MIER2: variants seen among roughly 807,000 people sequenced by gnomAD.
MIER2 encodes the protein mesoderm induction early response protein 2.
MIER2 carries 30 observed loss-of-function variants against 67.6 expected under a neutral mutation model. The observed-to-expected ratio is 0.44, with a 90% CI of 0.33 to 0.60. The LOEUF (loss-of-function observed/expected upper bound fraction) is 0.60. Among genes scored for constraint, MIER2 ranks in the 20% least tolerant of loss-of-function variants. The probability of loss-of-function intolerance (pLI) is 0.02; values close to 1 mark genes in which losing one functional copy is unlikely to be tolerated. For synonymous variants in MIER2, 372 were observed against 312.6 expected (o/e 1.19, Z -2.00); for missense variants, 702 against 745.1 (o/e 0.94, Z 0.67).
At chr19:320,659 C>G (rs556433788) in intron 7 of MIER2, among the ~76,000 whole-genome samples, 107 of 152,228 alleles carry the variant, frequency 7.0e-4, no homozygotes, top group African/African-American at 2.5e-3. Flanking sequence ...ACCAGGGAGG[C>G]AGGCAGCACA....
Position 327,128 on chromosome 19 carries a change from C to A in MIER2, c.493+5G>T, listed in dbSNP as rs1165782005. The A allele has an allele frequency of 6.3e-7, 1 of 1,580,140 alleles. No homozygotes were observed. On this transcript the variant is annotated splice_donor_5th_base_variant and intron_variant, in intron 5 of 13. Transcript: ENST00000264819. ...GCGGTGGAGTATGGGGACAGAGTCA[C>A]CTACATCCACTCCGGTTAGGGAAGA...
intron 1 of MIER2, chr19:344,181 C>A: frequency 1.0e-6 from 1 of 985,456 alleles, no homozygotes; most frequent in Non-Finnish European, 1.2e-6. Flanking sequence ...TCTCTAGGCC[C>A]CGGCAGACCC....
chr19:340,467 C>T (rs1452294491), intron 1 of MIER2: 2 of 152,202 alleles, frequency 1.3e-5, no homozygotes, highest in African/African-American at 4.8e-5. Flanking sequence ...AAGTAAACTA[C>T]AGAAAAAGTT....
chr19:342,720 GT>G (rs1206351171), intron 1 of MIER2, among the ~76,000 whole-genome samples: 1 of 151,554 alleles, frequency 6.6e-6, no homozygotes, highest in African/African-American at 2.4e-5. Flanking sequence ...GTGCTATAAA[GT>G]TACAAATTGC....
intron 10 of MIER2, among the ~76,000 whole-genome samples, chr19:309,298 C>A (rs1304621158): frequency 6.6e-6 from 1 of 152,144 alleles, no homozygotes; most frequent in Non-Finnish European, 1.5e-5. Flanking sequence ...TCCACCTCAT[C>A]TGCCTGCTTC....
At chr19:322,453 A>T (rs201160129) in intron 7 of MIER2, among the ~76,000 whole-genome samples, 1 of 152,198 alleles carries the variant, frequency 6.6e-6, no homozygotes, top group East Asian at 1.9e-4. Flanking sequence ...GCAGCAGTGC[A>T]CAAAGCCCAG....
intron 10 of MIER2, among the ~76,000 whole-genome samples, chr19:309,827 GA>G (rs1568215666): frequency 8.4e-5 from 9 of 107,322 alleles, no homozygotes; most frequent in African/African-American, 1.7e-4. Context: ...GACGAGAAGG[GA>G]CACACACACA....
intron 10 of MIER2, 58 bp downstream of exon 10, chr19:311,787 C>G (rs111820777): frequency 0.08 from 125,213 of 1,564,454 alleles, 6,002 homozygotes; most frequent in African/African-American, 0.19. Flanking sequence ...GCCTGCGGAC[C>G]CTGAGCCCCT....
Position 322,054 on chromosome 19 carries a change from G to A in MIER2, c.655+3581C>T, listed in dbSNP as rs139592058. ...CAAGTAGCTGGGACTACAGGTGCCC[G>A]CCACCACACCTGGCTCATTTTTGTA... is the stretch of plus-strand genomic sequence containing the variant. On this transcript the variant is annotated intron_variant, in intron 7 of 13. Transcript: ENST00000264819. Among the ~76,000 whole-genome samples, 2,841 of 152,028 alleles carry A rather than the reference G, an allele frequency of 0.019. 127 individuals are homozygous for A. In the East Asian group the frequency reaches 0.19, roughly 10 times the overall value.
At chr19:315,699 G>C (rs186352528) in intron 7 of MIER2, among the ~76,000 whole-genome samples, 104 of 152,328 alleles carry the variant, frequency 6.8e-4, no homozygotes, top group African/African-American at 2.4e-3. Flanking sequence ...CACCGTTTAG[G>C]GTAGTACAAG....
At chr19:322,367 T>C (rs150033974) in intron 7 of MIER2, among the ~76,000 whole-genome samples, 4 of 152,240 alleles carry the variant, frequency 2.6e-5, no homozygotes, top group Non-Finnish European at 1.5e-5. Context: ...CAAATAATGA[T>C]TGATAAGTTG....
At chr19:333,304 G>C (rs1375404160) in intron 3 of MIER2, among the ~76,000 whole-genome samples, 1 of 62,410 alleles carries the variant, frequency 1.6e-5, no homozygotes, top group Non-Finnish European at 2.7e-5. Flanking sequence ...AACAATTTTT[G>C]TATTTTTAGT....
At chr19:311,806 C>T (rs777147598) in intron 10 of MIER2, 39 bp downstream of exon 10, 17 of 1,606,078 alleles carry the variant, frequency 1.1e-5, no homozygotes, top group South Asian at 2.2e-5. Flanking sequence ...CTCCCCAGAT[C>T]GAGAAGCCCC....
chr19:343,718 G>A, intron 1 of MIER2: 1 of 522,292 alleles, frequency 1.9e-6, no homozygotes, highest in Non-Finnish European at 2.5e-6. Flanking sequence ...ATCAGCTCTT[G>A]AGTCTGCCCG....
chr19:310,706 G>A lies in MIER2; in HGVS notation c.984+1139C>T, dbSNP rs575785186. Reference sequence around the variant, plus strand: ...GCCCAGAGCTATAGAAACACGGCCCGGAGCTATAGGAACATGGCCCGGAGC... The same window carrying A: ...GCCCAGAGCTATAGAAACACGGCCCAGAGCTATAGGAACATGGCCCGGAGC... On this transcript the variant is annotated intron_variant, in intron 10 of 13. Transcript: ENST00000264819. Among the ~76,000 whole-genome samples the A allele has an allele frequency of 6.0e-5, 9 of 150,640 alleles. No individual in the cohort carries two copies. In the East Asian group the frequency reaches 7.8e-4, roughly 13 times the overall value.
At chr19:327,095 G>A (rs568890146) in intron 5 of MIER2, 38 bp downstream of exon 5, 2 of 1,556,352 alleles carry the variant, frequency 1.3e-6, no homozygotes, top group South Asian at 2.4e-5. Flanking sequence ...CTGGCAGGGG[G>A]CCTGGCTGCG....
At chr19:329,428 C>T (rs1356420793) in intron 3 of MIER2, among the ~76,000 whole-genome samples, 1 of 152,210 alleles carries the variant, frequency 6.6e-6, no homozygotes, top group East Asian at 1.9e-4. Context: ...GAGCACTCAG[C>T]CGTGACTTCC....
At chr19:322,907 C>A (rs1030119868) in intron 7 of MIER2, among the ~76,000 whole-genome samples, 3 of 152,298 alleles carry the variant, frequency 2.0e-5, no homozygotes, top group African/African-American at 7.2e-5. Flanking sequence ...AACCAAGGAC[C>A]ACGATGCAAC....
intron 2 of MIER2, among the ~76,000 whole-genome samples, chr19:335,289 C>A (rs1309104071): frequency 2.0e-5 from 3 of 152,236 alleles, no homozygotes; most frequent in African/African-American, 7.2e-5. Context: ...GGCAGCCACA[C>A]AGCCTGTAGG....
Sources: gnomAD v4.1 joint callset for allele counts (sites outside exome capture counted in the v4.1 genomes callset) on GRCh38, gnomAD v4.1.1 for gene constraint, MANE v1.5 for transcripts, NCBI Gene and HGNC (gene_info 2026-07-23, HGNC 2026-07-21) for gene names.